Variants in LRBA observed in about 807,000 individuals in gnomAD.
The protein encoded by LRBA is LPS responsive beige-like anchor protein, also known as lipopolysaccharide-responsive and beige-like anchor protein.
LRBA carries 176 observed loss-of-function variants against 330.0 expected under a neutral mutation model. The observed-to-expected ratio is 0.53, with a 90% CI of 0.47 to 0.60. The LOEUF (loss-of-function observed/expected upper bound fraction) is 0.60. Among genes scored for constraint, LRBA ranks in the 20% least tolerant of loss-of-function variants. The pLI, the probability that LRBA is intolerant of heterozygous loss-of-function variation, is 0.00. For missense variants in LRBA, 3,259 were observed against 3,444.8 expected (o/e 0.95, Z 1.35); for synonymous variants, 1,230 against 1,193.0 (o/e 1.03, Z -0.64).
At chr4:151,002,946 G>A (rs370020293) in intron 2 of LRBA, among the ~76,000 whole-genome samples, 1 of 151,722 alleles carries the variant, frequency 6.6e-6, no homozygotes, top group East Asian at 2.0e-4. Flanking sequence ...CCCAGGAGGT[G>A]GAGGTTGCAG....
chr4:150,601,198 T>C (rs1774076011), intron 37 of LRBA, among the ~76,000 whole-genome samples: 2 of 152,234 alleles, frequency 1.3e-5, no homozygotes, highest in Admixed American at 1.3e-4. Flanking sequence ...TAGTAAATTA[T>C]TAATTTGTCA....
chr4:150,424,183 G>A (rs1749227445), intron 46 of LRBA, among the ~76,000 whole-genome samples: 1 of 152,178 alleles, frequency 6.6e-6, no homozygotes, highest in African/African-American at 2.4e-5. Context: ...CATATAGTAT[G>A]AAGAACAACA....
At chr4:150,641,006 T>G in intron 37 of LRBA, among the ~76,000 whole-genome samples, 1 of 152,296 alleles carries the variant, frequency 6.6e-6, no homozygotes, top group Non-Finnish European at 1.5e-5. Context: ...TATTTTCTCA[T>G]GGCAATGCCT....
intron 46 of LRBA, among the ~76,000 whole-genome samples, chr4:150,426,435 T>C (rs943121735): frequency 2.6e-5 from 4 of 151,946 alleles, no homozygotes; most frequent in African/African-American, 9.7e-5. Context: ...AAAAAATAAT[T>C]GGGTTTAAGT....
intron 31 of LRBA, among the ~76,000 whole-genome samples, chr4:150,811,029 T>C (rs1743646337): frequency 1.3e-5 from 2 of 152,208 alleles, no homozygotes; most frequent in Admixed American, 6.5e-5. Context: ...AAAACATTTT[T>C]TCACCCTTTG....
intron 2 of LRBA, among the ~76,000 whole-genome samples, chr4:151,004,670 A>T (rs1020192004): frequency 6.6e-6 from 1 of 152,256 alleles, no homozygotes; most frequent in Non-Finnish European, 1.5e-5. Flanking sequence ...TACATAATAT[A>T]TTAGAAGATA....
intron 5 of LRBA, among the ~76,000 whole-genome samples, chr4:150,919,553 T>C (rs1431849738): frequency 1.3e-5 from 2 of 152,126 alleles, no homozygotes; most frequent in Admixed American, 6.5e-5. Context: ...AGAGTGAACG[T>C]TGCATTAAAC....
At chr4:150,737,983 C>CTTTTTTTTT (rs774453122) in intron 35 of LRBA, among the ~76,000 whole-genome samples, 2 of 112,154 alleles carry the variant, frequency 1.8e-5, no homozygotes, top group African/African-American at 3.6e-5. Context: ...TTCTCTGAAT[C>CTTTTTTTTT]TTTTTTTTTT....
Position 150,265,014 on chromosome 4 carries a change from A to C in LRBA, c.*708T>G, listed in dbSNP as rs1464457770. 1 of 152,690 alleles carries C rather than the reference A, an allele frequency of 6.5e-6. No homozygotes were observed. The highest frequency in any genetic ancestry group is 2.4e-5 in the African/African-American group (1 of 41,466). The allele number at this position is 152,690 out of a possible 1,614,324, so 9.5% of individuals were successfully genotyped here. On this transcript the variant is annotated 3_prime_UTR_variant, in exon 57 of 57. Transcript: ENST00000651943. ...CTTTAAAAGAAAAACAAATGTTGTG[A>C]GCTCAAGAGCATTTCCATCATTTCG...
chr4:150,556,357 A>C lies in LRBA; in HGVS notation c.6330+31691T>G, dbSNP rs1002781857. On this transcript the variant is annotated intron_variant, in intron 40 of 56. Transcript: ENST00000651943. ...TAAACAGCAACTATGTTTGAAGTTT[A>C]ATATATTCAAACATTTGATTATATG... Among the ~76,000 whole-genome samples, 10 of 152,216 alleles carry C rather than the reference A, an allele frequency of 6.6e-5. 1 individual carries two copies. The highest frequency in any genetic ancestry group is 2.4e-4 in the African/African-American group (10 of 41,462).
intron 37 of LRBA, among the ~76,000 whole-genome samples, chr4:150,607,851 G>A (rs371491572): frequency 6.6e-6 from 1 of 151,902 alleles, no homozygotes; most frequent in African/African-American, 2.4e-5. Flanking sequence ...CCTGGCCAAC[G>A]TGGTGAAACC....
At chr4:150,910,438 A>G (rs2149481449) in intron 9 of LRBA, among the ~76,000 whole-genome samples, 1 of 152,236 alleles carries the variant, frequency 6.6e-6, no homozygotes, top group East Asian at 1.9e-4. Flanking sequence ...TCCTTTCCCC[A>G]GTATGTGGCC....
intron 40 of LRBA, among the ~76,000 whole-genome samples, chr4:150,558,316 A>G (rs1767599594): frequency 6.6e-6 from 1 of 152,138 alleles, no homozygotes; most frequent in Admixed American, 6.6e-5. Flanking sequence ...CTCCTTCTAT[A>G]AGGGAGATTT....
At chr4:150,854,356 AT>A (rs1210316678) in intron 22 of LRBA, among the ~76,000 whole-genome samples, 5 of 152,164 alleles carry the variant, frequency 3.3e-5, no homozygotes, top group African/African-American at 9.7e-5. Flanking sequence ...CAAAATATCA[AT>A]TTCTTTTACA....
chr4:150,855,500 T>C (rs542786926), intron 22 of LRBA, among the ~76,000 whole-genome samples: 2 of 152,320 alleles, frequency 1.3e-5, no homozygotes, highest in African/African-American at 4.8e-5. Context: ...ATTTGTATTA[T>C]ACAATGGATC....
At chr4:150,720,469 T>C (rs1033910703) in intron 36 of LRBA, among the ~76,000 whole-genome samples, 8 of 152,050 alleles carry the variant, frequency 5.3e-5, no homozygotes, top group African/African-American at 1.9e-4. Flanking sequence ...ATAAGCTTTA[T>C]AGACATAATA....
At chr4:150,289,625 A>G (rs564515301) in intron 53 of LRBA, among the ~76,000 whole-genome samples, 206 of 152,296 alleles carry the variant, frequency 1.4e-3, no homozygotes, top group Admixed American at 2.3e-3. Flanking sequence ...CACATACATC[A>G]ATATAAGGAG....
At chr4:150,993,890 A>G (rs1742363334) in intron 2 of LRBA, among the ~76,000 whole-genome samples, 1 of 151,328 alleles carries the variant, frequency 6.6e-6, no homozygotes, top group South Asian at 2.1e-4. Flanking sequence ...AAACCATATC[A>G]CCCATCCCTA....
chr4:150,613,964 T>G (rs555416084), intron 37 of LRBA, among the ~76,000 whole-genome samples: 2 of 152,334 alleles, frequency 1.3e-5, no homozygotes, highest in African/African-American at 4.8e-5. Flanking sequence ...TAGCCCTTCC[T>G]CTGACCTCGT....
Sources: allele counts gnomAD v4.1 joint callset (sites outside exome capture counted in the v4.1 genomes callset), GRCh38; gene constraint gnomAD v4.1.1; transcripts MANE v1.5; gene names NCBI Gene and HGNC (gene_info 2026-07-23, HGNC 2026-07-21).